The following C11orf86 variants were observed in gnomAD, a reference collection of about 807,000 sequenced individuals.
C11orf86 encodes uncharacterized protein C11orf86.
C11orf86 carries 13 observed loss-of-function variants against 11.1 expected under a neutral mutation model. The observed-to-expected ratio is 1.17, with a 90% CI of 0.76 to 1.86. C11orf86 has a LOEUF of 1.86. C11orf86 is among the 40% of genes most tolerant of loss of function. The pLI is 0.00. For synonymous variants in C11orf86, 86 were observed against 64.7 expected (o/e 1.33, Z -1.58); for missense variants, 144 against 146.5 (o/e 0.98, Z 0.09).
In C11orf86 at chr11:66,975,459, C is replaced by T. The variant is rs1008325070; in HGVS notation, c.97C>T (p.Arg33Cys). ...GGGGAGGCCCCAGGAGGGCCAACTC[C>T]GCAGGGCGCTAAGCCTCAGACAGGG... The part of the protein sequence containing the change: ...PWGRPQEGQL[R>C]RALSLRQGQE... Residue 33 changes from arginine (R) to cysteine (C), a missense_variant, in exon 1 of 2, where the codon CGC becomes TGC. By Grantham distance (180) the Arg-to-Cys change is radical (BLOSUM62 -3). Coordinates refer to ENST00000683896, the MANE Select transcript of C11orf86 (RefSeq NM_001353554.2). 2.0e-5 allele frequency: 31 copies of T among 1,551,052 alleles called. No homozygotes were observed. Among genetic ancestry groups the T allele is most frequent in the African/African-American group, 6.8e-5 (5 of 73,042 alleles).
Position 66,975,605 on chromosome 11 carries a change from A to C in C11orf86, c.243A>C (p.Arg81Ser). 6.4e-7 allele frequency: 1 copy of C among 1,551,218 alleles called. No individual in the cohort carries two copies. Among genetic ancestry groups the C allele is most frequent in the African/African-American group, 1.4e-5 (1 of 73,148 alleles). Reference sequence around the variant, plus strand: ...AGCAGCTGATCCAAGCCCAGCGAAGAGGCAGCCGGTGGTGGCTGAGGCGGT... The same window carrying C: ...AGCAGCTGATCCAAGCCCAGCGAAGCGGCAGCCGGTGGTGGCTGAGGCGGT... Reference protein sequence around the residue: ...DTEQLIQAQRRGSRWWLRRYQ... With the variant: ...DTEQLIQAQRSGSRWWLRRYQ... Residue 81 changes from arginine to serine, a missense_variant, in exon 1 of 2, where the codon AGA becomes AGC. Arg to Ser is a moderately radical substitution (Grantham distance 110). Coordinates refer to ENST00000683896, the MANE Select transcript of C11orf86 (RefSeq NM_001353554.2).
In C11orf86 at chr11:66,975,334, G is replaced by A; in HGVS notation, c.-29G>A. On this transcript the variant is annotated 5_prime_UTR_variant, in exon 1 of 2. Transcript: ENST00000683896. ...GCCAGTGTCTTGCTGAGGGGCCGGA[G>A]CAGTCCTGTGCCTGCAGCCTCCGGA... The A allele has an allele frequency of 3.9e-6, 6 of 1,535,932 alleles. No homozygotes were observed. Among genetic ancestry groups the A allele is most frequent in the Non-Finnish European group, 5.2e-6 (6 of 1,143,370 alleles).
chr11:66,975,565 G>C lies in C11orf86; in HGVS notation c.203G>C (p.Ser68Thr). 6.4e-7 allele frequency: 1 copy of C among 1,551,482 alleles called. No individual in the cohort carries two copies. The highest frequency in any genetic ancestry group is 8.7e-7 in the Non-Finnish European group (1 of 1,146,914). Residue 68 changes from serine (S) to threonine (T), a missense_variant, in exon 1 of 2, where the codon AGC becomes ACC. Coordinates refer to ENST00000683896, the MANE Select transcript of C11orf86 (RefSeq NM_001353554.2). ...ACTGCCCAGGAGCGGGTGCCGGGGAGCCTGGGGGACACAGAGCAGCTGATC... is the reference window on the plus strand; with the variant it reads ...ACTGCCCAGGAGCGGGTGCCGGGGACCCTGGGGGACACAGAGCAGCTGATC... ...DATAQERVPG[S>T]LGDTEQLIQA...
In C11orf86 at chr11:66,975,513, G is replaced by A. The variant is rs369234129; in HGVS notation, c.151G>A (p.Glu51Lys). ...AGAGAAGTCCAGGTCCCAGGGCCTC[G>A]AGAGAGGCACAGAAGGGCCAGATGC... ...GQEKSRSQGL[E>K]RGTEGPDATA... Residue 51 changes from glutamate (E) to lysine (K), a missense_variant, in exon 1 of 2, where the codon GAG becomes AAG. By Grantham distance (56) the Glu-to-Lys change is moderately conservative. Transcript: ENST00000683896. 50 of 1,551,464 alleles carry A rather than the reference G, an allele frequency of 3.2e-5. No individual in the cohort carries two copies. Among genetic ancestry groups the A allele is most frequent in the South Asian group, 9.5e-5 (8 of 84,066 alleles).
Position 66,976,910 on chromosome 11 carries a change from A to C in C11orf86, c.*659A>C, listed in dbSNP as rs892656435. The C allele has an allele frequency of 5.9e-5, 9 of 152,448 alleles. No homozygotes were observed. Among genetic ancestry groups the C allele is most frequent in the African/African-American group, 2.2e-4 (9 of 41,526 alleles). The allele number at this position is 152,448 out of a possible 1,614,324, so 9.4% of individuals were successfully genotyped here. ...GGGGAAACTGAGGCCCAGAGTGGGG[A>C]AGGGATTTCTTGGTTTTGACATCTC... is the stretch of plus-strand genomic sequence containing the variant. On this transcript the variant is annotated 3_prime_UTR_variant, in exon 2 of 2. Transcript: ENST00000683896.
In C11orf86 at chr11:66,975,689, T is replaced by A. The variant is rs80080507; in HGVS notation, c.276+51T>A. On this transcript the variant is annotated intron_variant, in intron 1 of 1. Coordinates refer to ENST00000683896, the MANE Select transcript of C11orf86 (RefSeq NM_001353554.2). Reference sequence around the variant, plus strand: ...GGGTACCACAGCAGGTGGGCAGGGATTCCAGGGCAGGAAAGGTTCAGAGAC... The same window carrying A: ...GGGTACCACAGCAGGTGGGCAGGGAATCCAGGGCAGGAAAGGTTCAGAGAC... 11,564 of 1,525,134 alleles carry A rather than the reference T, an allele frequency of 7.6e-3. 699 individuals carry two copies. In the African/African-American group the frequency reaches 0.14, roughly 18 times the overall value. The allele number at this position is 1,525,134 out of a possible 1,614,324, so 94.5% of individuals were successfully genotyped here.
Position 66,975,690 on chromosome 11 carries a change from T to G in C11orf86, c.276+52T>G, listed in dbSNP as rs570276079. On this transcript the variant is annotated intron_variant, in intron 1 of 1. Transcript: ENST00000683896. ...GGTACCACAGCAGGTGGGCAGGGAT[T>G]CCAGGGCAGGAAAGGTTCAGAGACA... is the stretch of plus-strand genomic sequence containing the variant. 7 of 1,524,952 alleles carry G rather than the reference T, an allele frequency of 4.6e-6. No individual in the cohort carries two copies. In the African/African-American group the frequency reaches 9.8e-5, roughly 21 times the overall value. The allele number at this position is 1,524,952 out of a possible 1,614,324, so 94.5% of individuals were successfully genotyped here. A position where few individuals can be genotyped will look rare whatever the true frequency, so the allele number is the denominator to read the frequency against.
Position 66,975,443 on chromosome 11 carries a change from C to T in C11orf86, c.81C>T (p.Pro27=), listed in dbSNP as rs1032133392. 3 of 1,550,880 alleles carry T rather than the reference C, an allele frequency of 1.9e-6. No individual in the cohort carries two copies. The highest frequency in any genetic ancestry group is 1.4e-5 in the African/African-American group (1 of 73,032). Residue 27 remains proline, a synonymous_variant, in exon 1 of 2, where the codon CCC becomes CCT. Coordinates refer to ENST00000683896, the MANE Select transcript of C11orf86 (RefSeq NM_001353554.2). ...AGCTGCAGGAGCCCTGGGGGAGGCC[C>T]CAGGAGGGCCAACTCCGCAGGGCGC... ...YGKLQEPWGR[P]QEGQLRRALS... is the part of the protein sequence containing the mutation.
Position 66,975,579 on chromosome 11 carries a change from G to A in C11orf86, c.217G>A (p.Glu73Lys). 1 of 1,551,482 alleles carries A rather than the reference G, an allele frequency of 6.4e-7. No individual in the cohort carries two copies. Among genetic ancestry groups the A allele is most frequent in the African/African-American group, 1.4e-5 (1 of 73,180 alleles). ...ERVPGSLGDT[E>K]QLIQAQRRGS... ...GGTGCCGGGGAGCCTGGGGGACACA[G>A]AGCAGCTGATCCAAGCCCAGCGAAG... The change falls in exon 1 of 2, where the codon GAG becomes AAG. Residue 73 changes from glutamate (E) to lysine (K), a missense_variant. Coordinates refer to ENST00000683896, the MANE Select transcript of C11orf86 (RefSeq NM_001353554.2).
chr11:66,975,727 G>A, intron 1 of C11orf86, 89 bp downstream of exon 1: 1 of 1,485,466 alleles, frequency 6.7e-7, no homozygotes, highest in South Asian at 1.3e-5. Flanking sequence ...AGCCAGCCCA[G>A]GCTGTGTACC....
At chr11:66,975,795 C>T (rs912048616) in intron 1 of C11orf86, among the ~76,000 whole-genome samples, 157 bp downstream of exon 1, 6 of 152,120 alleles carry the variant, frequency 3.9e-5, no homozygotes, top group Non-Finnish European at 5.9e-5. Context: ...CCCAGAGCCA[C>T]GTTTCAGAGG....
In C11orf86 at chr11:66,975,573, G is replaced by T; in HGVS notation, c.211G>T (p.Asp71Tyr). Residue 71 changes from aspartate to tyrosine, a missense_variant, in exon 1 of 2, where the codon GAC (aspartate) becomes TAC (tyrosine). Physicochemically the swap from Asp to Tyr is radical, Grantham distance 160 (BLOSUM62 -3). Transcript: ENST00000683896. The stretch of plus-strand genomic sequence containing the variant: ...GGAGCGGGTGCCGGGGAGCCTGGGG[G>T]ACACAGAGCAGCTGATCCAAGCCCA... ...AQERVPGSLG[D>Y]TEQLIQAQRR... 6.4e-7 allele frequency: 1 copy of T among 1,551,462 alleles called. No individual in the cohort carries two copies. The highest frequency in any genetic ancestry group is 8.7e-7 in the Non-Finnish European group (1 of 1,146,894).
At chr11:66,976,074 G>A in intron 1 of C11orf86, 103 bp from the exon 2 acceptor site, 1 of 1,126,050 alleles carries the variant, frequency 8.9e-7, no homozygotes, top group Non-Finnish European at 1.3e-6. Context: ...CCAATGAGCA[G>A]TGCTTCTCTA....
chr11:66,975,629 G>T lies in C11orf86; in HGVS notation c.267G>T (p.Arg89=). 6.4e-7 allele frequency: 1 copy of T among 1,550,488 alleles called. No homozygotes were observed. Among genetic ancestry groups the T allele is most frequent in the Non-Finnish European group, 8.7e-7 (1 of 1,146,656 alleles). ...GAGGCAGCCGGTGGTGGCTGAGGCG[G>T]TACCAACAGGTATGGCTGTGGGCTG... ...QRRGSRWWLR[R]YQQQVRRRWE... The change falls in exon 1 of 2, where the codon CGG becomes CGT. Residue 89 remains arginine (R), a synonymous_variant. Coordinates refer to ENST00000683896, the MANE Select transcript of C11orf86 (RefSeq NM_001353554.2).
rs1476897873 is a variant in C11orf86 at position 66,976,252 on chromosome 11, C to T, written c.*1C>T. 5 of 1,550,808 alleles carry T rather than the reference C, an allele frequency of 3.2e-6. No individual in the cohort carries two copies. Among genetic ancestry groups the T allele is most frequent in the South Asian group, 2.4e-5 (2 of 84,066 alleles). ...TCTGAGTCAGCCGGCCTCCCCGTAG[C>T]CCACACTGGGCACCATCAGCTAAAG... On this transcript the variant is annotated 3_prime_UTR_variant, in exon 2 of 2. Coordinates refer to ENST00000683896, the MANE Select transcript of C11orf86 (RefSeq NM_001353554.2).
In C11orf86 at chr11:66,976,258, C is replaced by G. The variant is rs1167387881; in HGVS notation, c.*7C>G. Reference sequence around the variant, plus strand: ...TCAGCCGGCCTCCCCGTAGCCCACACTGGGCACCATCAGCTAAAGATGCTG... The same window carrying G: ...TCAGCCGGCCTCCCCGTAGCCCACAGTGGGCACCATCAGCTAAAGATGCTG... On this transcript the variant is annotated 3_prime_UTR_variant, in exon 2 of 2. Transcript: ENST00000683896. 8.4e-6 allele frequency: 13 copies of G among 1,550,780 alleles called. No homozygotes were observed. The East Asian group carries it at 3.2e-4, about 38-fold the overall frequency.
At chr11:66,975,982 A>T (rs1431093867) in intron 1 of C11orf86, among the ~76,000 whole-genome samples, 195 bp from the exon 2 acceptor site, 2 of 152,076 alleles carry the variant, frequency 1.3e-5, no homozygotes, top group East Asian at 3.9e-4. Flanking sequence ...ACACTGTGTG[A>T]CCCTCTCACC....
chr11:66,976,193 G>A lies in C11orf86; in HGVS notation c.293G>A (p.Trp98Ter). 6.4e-7 allele frequency: 1 copy of A among 1,551,482 alleles called. No individual in the cohort carries two copies. The highest frequency in any genetic ancestry group is 8.7e-7 in the Non-Finnish European group (1 of 1,146,992). Residue 98 changes from tryptophan to a stop codon, truncating the protein, a stop_gained, in exon 2 of 2, where the codon TGG becomes TAG. Transcript: ENST00000683896. LOFTEE classifies it high-confidence loss of function. ...GTCTTCCAGCAGGTAAGAAGAAGGT[G>A]GGAGAGCTTTGTCGCCATCTTCCCC... ...RRYQQQVRRR[W>*]ESFVAIFPSV...
In C11orf86 at chr11:66,975,510, C is replaced by T. The variant is rs1489492687; in HGVS notation, c.148C>T (p.Leu50Phe). 1 of 1,551,512 alleles carries T rather than the reference C, an allele frequency of 6.4e-7. No homozygotes were observed. The highest frequency in any genetic ancestry group is 2.0e-5 in the Admixed American group (1 of 50,998). The change falls in exon 1 of 2, where the codon CTC (leucine) becomes TTC (phenylalanine). Residue 50 changes from leucine to phenylalanine, a missense_variant. Transcript: ENST00000683896. ...GCAAGAGAAGTCCAGGTCCCAGGGC[C>T]TCGAGAGAGGCACAGAAGGGCCAGA... is the stretch of plus-strand genomic sequence containing the variant. ...QGQEKSRSQG[L>F]ERGTEGPDAT...
Sources: gnomAD v4.1 joint callset for allele counts (sites outside exome capture counted in the v4.1 genomes callset) on GRCh38, gnomAD v4.1.1 for gene constraint, MANE v1.5 for transcripts, NCBI Gene and HGNC (gene_info 2026-07-23, HGNC 2026-07-21) for gene names.